The following PPP6C variants were observed in gnomAD, a reference collection of about 807,000 sequenced individuals.
The protein encoded by PPP6C is protein phosphatase 6 catalytic subunit.
In PPP6C, 11 loss-of-function variants were observed where a neutral mutation model predicts 39.8. The ratio of observed to expected loss-of-function variants is 0.28; its 90% CI spans 0.17 to 0.46. The LOEUF (loss-of-function observed/expected upper bound fraction) is 0.46. Ranked by LOEUF, PPP6C falls within the 20% of genes least tolerant of loss-of-function variation. PPP6C has a pLI of 1.00. For synonymous variants in PPP6C, 129 were observed against 130.3 expected (o/e 0.99, Z 0.07); for missense variants, 211 against 373.9 (o/e 0.56, Z 3.59).
chr9:125,153,057 G>C (rs1373799086), intron 6 of PPP6C, among the ~76,000 whole-genome samples: 2 of 152,020 alleles, frequency 1.3e-5, no homozygotes, highest in Non-Finnish European at 2.9e-5. Flanking sequence ...TGGATCACCT[G>C]AGGTCAGGAG....
chr9:125,154,447 A>G (rs1836021363), intron 4 of PPP6C, among the ~76,000 whole-genome samples: 1 of 152,238 alleles, frequency 6.6e-6, no homozygotes, highest in Non-Finnish European at 1.5e-5. Flanking sequence ...CCACTGTCAT[A>G]TATACAGTCC....
At chr9:125,155,904 C>CAAAAAA (rs1231626756) in intron 4 of PPP6C, among the ~76,000 whole-genome samples, 1 of 61,454 alleles carries the variant, frequency 1.6e-5, no homozygotes, top group African/African-American at 6.3e-5. Context: ...GACTCCGTCT[C>CAAAAAA]AAAAAAAAAA....
At chr9:125,154,025 TAATAAA>T (rs1426622989) in intron 4 of PPP6C, 40 bp from the exon 5 acceptor site, 4 of 1,419,490 alleles carry the variant, frequency 2.8e-6, no homozygotes, top group East Asian at 4.6e-5. Flanking sequence ...ATGAATCTGC[TAATAAA>T]AATAAACAAT....
In PPP6C at chr9:125,153,612, G is replaced by A. The variant is rs2131299749; in HGVS notation, c.590C>T (p.Ser197Leu). Residue 197 changes from serine to leucine, a missense_variant, in exon 6 of 7, where the codon TCA becomes TTA. Ser to Leu is a moderately radical substitution (Grantham distance 145). This residue lies in a region of PPP6C where 168 missense variants were observed against 342.6 expected (regional missense o/e 0.49). Transcript: ENST00000373547. Reference sequence around the variant, plus strand: ...CCAGGTATCCACATCTTCAGGATCTGACCAAACCAGATCACAAAATGCTCC... The same window carrying A: ...CCAGGTATCCACATCTTCAGGATCTAACCAAACCAGATCACAAAATGCTCC... ...HKGAFCDLVW[S>L]DPEDVDTWAI... is the part of the protein sequence containing the mutation. The A allele has an allele frequency of 6.2e-7, 1 of 1,614,094 alleles. No homozygotes were observed. Among genetic ancestry groups the A allele is most frequent in the Non-Finnish European group, 8.5e-7 (1 of 1,180,022 alleles).
intron 6 of PPP6C, chr9:125,150,535 T>C: frequency 2.1e-6 from 1 of 482,198 alleles, no homozygotes; most frequent in Admixed American, 2.4e-5. Context: ...ATCTTGAAGA[T>C]GGCGGAGTAG....
intron 2 of PPP6C, among the ~76,000 whole-genome samples, chr9:125,162,046 G>T (rs545205261): frequency 5.8e-4 from 86 of 148,352 alleles, no homozygotes; most frequent in African/African-American, 1.9e-3. Context: ...AAGAAATAAA[G>T]TAACACCTTT....
chr9:125,151,245 G>A (rs977959066), intron 6 of PPP6C: 49 of 1,502,152 alleles, frequency 3.3e-5, no homozygotes, highest in Admixed American at 2.3e-4. Context: ...GAAGTCGACC[G>A]CATGGTGCTT....
chr9:125,177,391 A>C (rs888245011), intron 1 of PPP6C, among the ~76,000 whole-genome samples: 1 of 149,826 alleles, frequency 6.7e-6, no homozygotes, highest in Non-Finnish European at 1.5e-5. Flanking sequence ...CAAACAAAAA[A>C]AATCTTAAAG....
At chr9:125,189,561 C>T (rs764006626) in intron 1 of PPP6C, 83 bp downstream of exon 1, 1 of 1,594,882 alleles carries the variant, frequency 6.3e-7, no homozygotes, top group African/African-American at 1.3e-5. Flanking sequence ...GGACTGGATA[C>T]CCGGCGGGGG....
Position 125,151,371 on chromosome 9 carries a change from C to T in PPP6C, c.670-1450G>A, listed in dbSNP as rs545733705. The T allele has an allele frequency of 1.2e-5, 13 of 1,113,056 alleles. No homozygotes were observed. In the East Asian group the frequency reaches 2.8e-4, roughly 24 times the overall value. The allele number at this position is 1,113,056 out of a possible 1,614,324, so 68.9% of individuals were successfully genotyped here. Reference sequence around the variant, plus strand: ...TCAGCTGGAGTCACCAAAGTTTATGCTATCTTGACTCACAGAATCTTCTCT... The same window carrying T: ...TCAGCTGGAGTCACCAAAGTTTATGTTATCTTGACTCACAGAATCTTCTCT... On this transcript the variant is annotated intron_variant, in intron 6 of 6. Coordinates refer to ENST00000373547, the MANE Select transcript of PPP6C (RefSeq NM_002721.5).
chr9:125,160,996 T>G, intron 2 of PPP6C, 90 bp from the exon 3 acceptor site: 1 of 786,298 alleles, frequency 1.3e-6, no homozygotes, highest in Non-Finnish European at 2.0e-6. Context: ...AAGAAGCAGC[T>G]AAGAGGACTC....
chr9:125,165,676 C>A (rs781279870), intron 2 of PPP6C, among the ~76,000 whole-genome samples: 3 of 151,888 alleles, frequency 2.0e-5, no homozygotes, highest in Non-Finnish European at 4.4e-5. Context: ...ATTTTAATAA[C>A]ATTTTCAGGT....
intron 2 of PPP6C, among the ~76,000 whole-genome samples, chr9:125,164,852 C>T (rs1281025651): frequency 5.3e-5 from 8 of 152,188 alleles, no homozygotes; most frequent in Non-Finnish European, 2.9e-5. Flanking sequence ...CATTCTCCTG[C>T]CTCAGCCTCC....
chr9:125,184,102 T>C (rs555657876), intron 1 of PPP6C, among the ~76,000 whole-genome samples: 1 of 152,222 alleles, frequency 6.6e-6, no homozygotes, highest in South Asian at 2.1e-4. Context: ...AAAAATTTTT[T>C]TTTTGCCAGG....
chr9:125,184,970 A>C (rs981570834), intron 1 of PPP6C, among the ~76,000 whole-genome samples: 2 of 151,026 alleles, frequency 1.3e-5, no homozygotes, highest in Admixed American at 6.6e-5. Context: ...CAGTCTCAAA[A>C]AAAAAAAAAA....
chr9:125,160,583 A>T (rs996930841), intron 3 of PPP6C, among the ~76,000 whole-genome samples: 1 of 152,216 alleles, frequency 6.6e-6, no homozygotes, highest in Non-Finnish European at 1.5e-5. Context: ...ATAAGATGTG[A>T]CTTGGTCCTC....
chr9:125,175,183 G>A (rs1414020034), intron 1 of PPP6C, among the ~76,000 whole-genome samples: 1 of 151,884 alleles, frequency 6.6e-6, no homozygotes. Context: ...CTCCAGCCTG[G>A]GTGACAGAGT....
At chr9:125,181,314 T>C (rs1212778662) in intron 1 of PPP6C, among the ~76,000 whole-genome samples, 1 of 152,136 alleles carries the variant, frequency 6.6e-6, no homozygotes, top group Non-Finnish European at 1.5e-5. Flanking sequence ...TTTTCTTTCT[T>C]TTTTTGTGTT....
intron 6 of PPP6C, 46 bp from the exon 7 acceptor site, chr9:125,149,967 A>G: frequency 6.3e-7 from 1 of 1,582,718 alleles, no homozygotes; most frequent in Non-Finnish European, 8.6e-7. Context: ...TTAAAAAACA[A>G]TCGGCCTACA....
Sources: allele counts gnomAD v4.1 joint callset (sites outside exome capture counted in the v4.1 genomes callset), GRCh38; gene constraint gnomAD v4.1.1; regional missense constraint gnomAD v4.1.1; transcripts MANE v1.5; gene names NCBI Gene and HGNC (gene_info 2026-07-23, HGNC 2026-07-21).